CA10: variants seen among roughly 807,000 people sequenced by gnomAD.
CA10 encodes carbonic anhydrase 10 (inactive).
A neutral mutation model predicts 44.2 loss-of-function variants in CA10; 14 were observed. That is an observed-to-expected ratio of 0.32 (90% confidence interval 0.21 to 0.50). CA10 has a LOEUF of 0.50. CA10 is among the 20% of genes least tolerant of loss of function. The pLI, the probability that CA10 is intolerant of heterozygous loss-of-function variation, is 0.99. For missense variants in CA10, 350 were observed against 409.7 expected (o/e 0.85, Z 1.26); for synonymous variants, 159 against 141.6 (o/e 1.12, Z -0.87).
At chr17:51,940,765 A>G (rs1178798945) in intron 2 of CA10, among the ~76,000 whole-genome samples, 2 of 151,666 alleles carry the variant, frequency 1.3e-5, no homozygotes, top group South Asian at 2.1e-4. Flanking sequence ...GTGTTCTTAT[A>G]ACTCCTGTGC....
At chr17:52,094,011 G>A (rs1335772241) in intron 1 of CA10, among the ~76,000 whole-genome samples, 1 of 152,048 alleles carries the variant, frequency 6.6e-6, no homozygotes, top group Admixed American at 6.6e-5. Context: ...GGATGAAGCT[G>A]GAAACCATCA....
chr17:52,119,316 G>A (rs1314199877), intron 1 of CA10, among the ~76,000 whole-genome samples: 3 of 152,154 alleles, frequency 2.0e-5, no homozygotes, highest in Non-Finnish European at 4.4e-5. Context: ...CAGAATGCAA[G>A]TGGAGAAACT....
intron 3 of CA10, among the ~76,000 whole-genome samples, chr17:51,818,624 C>A (rs917028137): frequency 6.6e-6 from 1 of 152,058 alleles, no homozygotes; most frequent in African/African-American, 2.4e-5. Context: ...GGATCGCTTT[C>A]GTGATGATGG....
chr17:51,764,629 T>C (rs17664492), intron 3 of CA10, among the ~76,000 whole-genome samples: 33,589 of 152,122 alleles, frequency 0.22, 4,072 homozygotes, highest in Middle Eastern at 0.38. Flanking sequence ...GCAGAGGTTG[T>C]AGGAAGCTGG....
At chr17:51,992,343 T>C (rs1011652868) in intron 2 of CA10, among the ~76,000 whole-genome samples, 2 of 152,142 alleles carry the variant, frequency 1.3e-5, no homozygotes, top group Admixed American at 6.6e-5. Flanking sequence ...TTATCCTCAC[T>C]CTTGACCTTA....
intron 2 of CA10, among the ~76,000 whole-genome samples, chr17:51,946,322 T>C (rs1292668912): frequency 6.6e-6 from 1 of 152,176 alleles, no homozygotes; most frequent in Non-Finnish European, 1.5e-5. Flanking sequence ...AAAATAAGTG[T>C]GTGAGGTAAG....
intron 1 of CA10, among the ~76,000 whole-genome samples, chr17:52,101,956 C>T (rs531424624): frequency 6.6e-6 from 1 of 151,574 alleles, no homozygotes; most frequent in Non-Finnish European, 1.5e-5. Flanking sequence ...TTTCCTTGGT[C>T]TTCCATACTG....
intron 1 of CA10, among the ~76,000 whole-genome samples, chr17:52,140,896 T>C (rs1989464012): frequency 6.6e-6 from 1 of 152,160 alleles, no homozygotes; most frequent in Non-Finnish European, 1.5e-5. Flanking sequence ...GAGAAAATGC[T>C]CTACCAAGTG....
chr17:51,748,903 G>A (rs557279385), intron 3 of CA10, among the ~76,000 whole-genome samples: 1 of 152,258 alleles, frequency 6.6e-6, no homozygotes, highest in East Asian at 1.9e-4. Context: ...TGTTCACTGT[G>A]GCAGAGACCA....
chr17:51,661,039 T>C lies in CA10; in HGVS notation c.466-7303A>G, dbSNP rs528912122. ...GGTCACCTGTTGAGGGAGATCCCCATGATCCACTGTCATGGCACTCTGTAC... is the reference window on the plus strand; with the variant it reads ...GGTCACCTGTTGAGGGAGATCCCCACGATCCACTGTCATGGCACTCTGTAC... On this transcript the variant is annotated intron_variant, in intron 4 of 8. Transcript: ENST00000451037. Among the ~76,000 whole-genome samples the C allele has an allele frequency of 1.4e-4, 21 of 152,286 alleles. No homozygotes were observed. In the South Asian group the frequency reaches 3.9e-3, roughly 29 times the overall value.
intron 4 of CA10, among the ~76,000 whole-genome samples, chr17:51,721,424 T>G (rs1384170820): frequency 6.6e-6 from 1 of 152,036 alleles, no homozygotes; most frequent in African/African-American, 2.4e-5. Flanking sequence ...AACCTCTACC[T>G]CCTAGGTTCA....
chr17:51,825,515 C>T (rs1402944926), intron 3 of CA10, among the ~76,000 whole-genome samples: 10 of 152,218 alleles, frequency 6.6e-5, no homozygotes, highest in South Asian at 4.2e-4. Flanking sequence ...AAGTAACTTG[C>T]CCAAGGTCAC....
chr17:51,892,058 T>C (rs149599149), intron 3 of CA10, among the ~76,000 whole-genome samples: 3 of 152,266 alleles, frequency 2.0e-5, no homozygotes, highest in Non-Finnish European at 4.4e-5. Flanking sequence ...AGAACTATTA[T>C]GGTTTTTGAG....
At chr17:51,966,922 C>T (rs1287849148) in intron 2 of CA10, among the ~76,000 whole-genome samples, 1 of 151,814 alleles carries the variant, frequency 6.6e-6, no homozygotes, top group Non-Finnish European at 1.5e-5. Context: ...ACAGACCACA[C>T]CTACAGAATG....
At chr17:51,781,065 G>A (rs1906038864) in intron 3 of CA10, among the ~76,000 whole-genome samples, 1 of 152,152 alleles carries the variant, frequency 6.6e-6, no homozygotes, top group South Asian at 2.1e-4. Context: ...GATGGTTGGA[G>A]CATAGAGCTT....
intron 4 of CA10, among the ~76,000 whole-genome samples, chr17:51,690,634 T>A (rs1473345555): frequency 2.0e-5 from 3 of 152,232 alleles, no homozygotes; most frequent in Non-Finnish European, 4.4e-5. Flanking sequence ...GCAGTTCCCC[T>A]GCACATGCTC....
chr17:51,739,126 A>G (rs7210688), intron 4 of CA10, among the ~76,000 whole-genome samples: 2,411 of 152,210 alleles, frequency 0.016, 68 homozygotes, highest in African/African-American at 0.056. Context: ...AACCTCTACA[A>G]ATTTTCATTG....
At chr17:51,882,966 AG>A (rs147080931) in intron 3 of CA10, among the ~76,000 whole-genome samples, 4,966 of 152,268 alleles carry the variant, frequency 0.033, 109 homozygotes, top group Middle Eastern at 0.051. Context: ...ATCTTGGGTA[AG>A]GTACTGGTGG....
intron 1 of CA10, among the ~76,000 whole-genome samples, chr17:52,117,932 T>C (rs1387583498): frequency 1.3e-5 from 2 of 152,220 alleles, no homozygotes; most frequent in South Asian, 2.1e-4. Flanking sequence ...TGTTTGCACA[T>C]TGACAAAATT....
Sources: allele counts gnomAD v4.1 joint callset (sites outside exome capture counted in the v4.1 genomes callset), GRCh38; gene constraint gnomAD v4.1.1; transcripts MANE v1.5; gene names NCBI Gene and HGNC (gene_info 2026-07-23, HGNC 2026-07-21).